BAZ2B: variants seen among roughly 807,000 people sequenced by gnomAD.
BAZ2B encodes bromodomain adjacent to zinc finger domain 2B.
Under a neutral mutation model 246.0 loss-of-function variants are expected in BAZ2B, and 91 were observed. The ratio of observed to expected loss-of-function variants is 0.37; its 90% confidence interval spans 0.31 to 0.44. The LOEUF (loss-of-function observed/expected upper bound fraction) is 0.44, where lower values mean the gene tolerates loss of function less well. Ranked by LOEUF, BAZ2B falls within the 20% of genes least tolerant of loss-of-function variation. The pLI, the probability that BAZ2B is intolerant of heterozygous loss-of-function variation, is 1.00. For synonymous variants in BAZ2B, 855 were observed against 860.0 expected (o/e 0.99, Z 0.10); for missense variants, 2,332 against 2,533.7 (o/e 0.92, Z 1.71).
intron 1 of BAZ2B, among the ~76,000 whole-genome samples, chr2:159,578,221 C>T (rs573833950): frequency 3.3e-5 from 5 of 151,790 alleles, no homozygotes; most frequent in Admixed American, 1.3e-4. Context: ...TTTCAATTTT[C>T]TACTAACTCT....
At position 159,350,272 on chromosome 2, in the gene BAZ2B, C is replaced by A. The variant is rs1298080977; in HGVS notation, c.4299G>T (p.Gly1433=). 6.2e-7 allele frequency: 1 copy of A among 1,610,588 alleles called. No individual in the cohort carries two copies. Among genetic ancestry groups the A allele is most frequent in the Admixed American group, 1.7e-5 (1 of 59,520 alleles). ...CTGTATTTGAACAATTTAAACTGTC[C>A]CCAGAAGTCTCAAACATTTCTTCTT... ...QIKEEMFETS[G]DSLNCSNTDH... is the part of the protein sequence containing the mutation. The change falls in exon 28 of 37, where the codon GGG becomes GGT. Residue 1433 remains glycine (G), a synonymous_variant. Coordinates refer to ENST00000392783, the MANE Select transcript of BAZ2B (RefSeq NM_013450.4).
chr2:159,386,707 C>T, intron 21 of BAZ2B, 100 bp from the exon 22 acceptor site: 1 of 1,342,512 alleles, frequency 7.4e-7, no homozygotes, highest in Non-Finnish European at 9.9e-7. Context: ...TACCTTTTTT[C>T]CCCTCTTGTA....
At chr2:159,632,278 A>C in the BAZ2B span, among the ~76,000 whole-genome samples, 4 of 152,232 alleles carry the variant, frequency 2.6e-5, no homozygotes, top group African/African-American at 9.6e-5. Flanking sequence ...CAAGCCAGTC[A>C]CACAAAGCTG....
intron 31 of BAZ2B, among the ~76,000 whole-genome samples, chr2:159,346,782 C>T (rs550132641): frequency 2.6e-5 from 4 of 152,092 alleles, no homozygotes; most frequent in Non-Finnish European, 4.4e-5. Flanking sequence ...ACCTTTATAC[C>T]CCTCTTTACA....
intron 25 of BAZ2B, among the ~76,000 whole-genome samples, chr2:159,380,900 T>C (rs2061927497): frequency 6.6e-6 from 1 of 152,290 alleles, no homozygotes. Flanking sequence ...ATATACTCTT[T>C]GCTGATTTTG....
At chr2:159,668,665 C>T in the BAZ2B span, among the ~76,000 whole-genome samples, 2 of 152,126 alleles carry the variant, frequency 1.3e-5, no homozygotes, top group African/African-American at 4.8e-5. Context: ...GATTTCTGTT[C>T]TTATCTTTAT....
intron 1 of BAZ2B, among the ~76,000 whole-genome samples, chr2:159,590,132 A>C (rs1688967811): frequency 7.3e-6 from 1 of 136,688 alleles, no homozygotes; most frequent in Non-Finnish European, 1.5e-5. Flanking sequence ...GGCTGCAGTG[A>C]GCCAAGATCA....
At chr2:159,573,648 G>A (rs771554019) in intron 1 of BAZ2B, among the ~76,000 whole-genome samples, 5 of 152,110 alleles carry the variant, frequency 3.3e-5, no homozygotes, top group Non-Finnish European at 7.4e-5. Context: ...GCAATCAAAG[G>A]AAAAATAGAT....
At chr2:159,375,592 T>C (rs2061333988) in intron 25 of BAZ2B, among the ~76,000 whole-genome samples, 1 of 152,148 alleles carries the variant, frequency 6.6e-6, no homozygotes, top group Non-Finnish European at 1.5e-5. Flanking sequence ...GTTCTGGCAA[T>C]AGTTGTAAGA....
chr2:159,525,866 C>T (rs1231173760), intron 2 of BAZ2B, among the ~76,000 whole-genome samples: 8 of 152,108 alleles, frequency 5.3e-5, no homozygotes, highest in African/African-American at 1.9e-4. Flanking sequence ...AAATACCACA[C>T]TAAGTGTTTG....
rs2071003381 is a variant in BAZ2B at position 159,430,982 on chromosome 2, G to A, written c.2075C>T (p.Pro692Leu). ...PSMSLTGHST[P>L]RNLHIAKAPG... The stretch of plus-strand genomic sequence containing the variant: ...GGCTTTTGCTATGTGGAGGTTACGA[G>A]GTGTTGAGTGACCTGTGAGACTCAT... The change falls in exon 10 of 37, where the codon CCT becomes CTT. Residue 692 changes from proline (P) to leucine (L), a missense_variant. Physicochemically the swap from Pro to Leu is moderately conservative, Grantham distance 98 (BLOSUM62 -3). Around this residue, in one of 9 missense-constraint regions of BAZ2B, gnomAD observed 651 missense variants for 650.9 expected, o/e 1.00. Coordinates refer to ENST00000392783, the MANE Select transcript of BAZ2B (RefSeq NM_013450.4). 1 of 1,614,002 alleles carries A rather than the reference G, an allele frequency of 6.2e-7. No homozygotes were observed. The highest frequency in any genetic ancestry group is 1.3e-5 in the African/African-American group (1 of 75,040).
the BAZ2B span, among the ~76,000 whole-genome samples, chr2:159,661,955 A>G: frequency 6.6e-6 from 1 of 151,194 alleles, no homozygotes; most frequent in Non-Finnish European, 1.5e-5. Context: ...CTCCCTGACC[A>G]CCCCCCACCC....
At chr2:159,625,871 C>A in the BAZ2B span, among the ~76,000 whole-genome samples, 1 of 152,084 alleles carries the variant, frequency 6.6e-6, no homozygotes, top group African/African-American at 2.4e-5. Context: ...CTAAAAGACA[C>A]AGACTGGCAA....
the BAZ2B span, among the ~76,000 whole-genome samples, chr2:159,667,243 A>C: frequency 6.6e-6 from 1 of 151,818 alleles, no homozygotes; most frequent in East Asian, 1.9e-4. Flanking sequence ...TCTTCAATAT[A>C]AGATAGGATT....
At chr2:159,419,349 A>T (rs1425235691) in intron 13 of BAZ2B, among the ~76,000 whole-genome samples, 1 of 149,694 alleles carries the variant, frequency 6.7e-6, no homozygotes, top group Non-Finnish European at 1.5e-5. Context: ...CAATTCACAT[A>T]AAAAAATTAA....
upstream of BAZ2B, chr2:159,617,067 T>C (rs1696176469): frequency 6.6e-6 from 1 of 152,124 alleles, no homozygotes; most frequent in Admixed American, 6.5e-5. Context: ...AAAATAAAAT[T>C]TAAATAAAAG....
chr2:159,580,598 G>A (rs879643468), intron 1 of BAZ2B, among the ~76,000 whole-genome samples: 17 of 152,120 alleles, frequency 1.1e-4, no homozygotes, highest in Non-Finnish European at 1.8e-4. Flanking sequence ...AAAAGAGCTC[G>A]CGTTGCCAAG....
intron 1 of BAZ2B, among the ~76,000 whole-genome samples, chr2:159,605,579 G>A (rs760566509): frequency 4.0e-5 from 6 of 151,722 alleles, no homozygotes; most frequent in Non-Finnish European, 7.4e-5. Context: ...AAGGTACTAC[G>A]TCACAGAACA....
At chr2:159,671,847 A>G in the BAZ2B span, among the ~76,000 whole-genome samples, 8 of 152,170 alleles carry the variant, frequency 5.3e-5, no homozygotes, top group Non-Finnish European at 1.0e-4. Flanking sequence ...ATTCCTTTAT[A>G]AAACAACTAA....
Sources: allele counts gnomAD v4.1 joint callset (sites outside exome capture counted in the v4.1 genomes callset), GRCh38; gene constraint gnomAD v4.1.1; regional missense constraint gnomAD v4.1.1; transcripts MANE v1.5; gene names NCBI Gene and HGNC (gene_info 2026-07-23, HGNC 2026-07-21).